NRG3: variants seen among roughly 807,000 people sequenced by gnomAD.
The protein encoded by NRG3 is neuregulin 3.
NRG3 carries 31 observed loss-of-function variants against 66.9 expected under a neutral mutation model. The observed-to-expected ratio is 0.46, with a 90% CI of 0.35 to 0.63. The LOEUF (loss-of-function observed/expected upper bound fraction) is 0.63, where lower values mean the gene tolerates loss of function less well. NRG3 is among the 20% of genes least tolerant of loss of function. The probability of loss-of-function intolerance (pLI) is 0.00; values close to 1 mark genes in which losing one functional copy is unlikely to be tolerated. For synonymous variants in NRG3, 393 were observed against 359.4 expected (o/e 1.09, Z -1.06); for missense variants, 910 against 878.9 (o/e 1.04, Z -0.45).
chr10:82,889,558 A>G (rs1231920848), intron 4 of NRG3, among the ~76,000 whole-genome samples: 2 of 152,242 alleles, frequency 1.3e-5, no homozygotes, highest in Non-Finnish European at 2.9e-5. Context: ...GATAGATCAC[A>G]TGGAAATTCC....
intron 1 of NRG3, among the ~76,000 whole-genome samples, chr10:81,891,624 C>T (rs1165452272): frequency 1.3e-5 from 2 of 152,074 alleles, no homozygotes; most frequent in Non-Finnish European, 2.9e-5. Flanking sequence ...GTATTTGTGA[C>T]GTTTCTTTTC....
At chr10:81,915,428 T>C (rs965662052) in intron 1 of NRG3, among the ~76,000 whole-genome samples, 3 of 151,754 alleles carry the variant, frequency 2.0e-5, no homozygotes, top group Non-Finnish European at 2.9e-5. Flanking sequence ...GAGGTGGGTG[T>C]TGGGCAATTA....
intron 1 of NRG3, among the ~76,000 whole-genome samples, chr10:82,160,871 G>A (rs1469197793): frequency 6.6e-6 from 1 of 151,990 alleles, no homozygotes; most frequent in Admixed American, 6.6e-5. Context: ...ATGAGAAAAT[G>A]AAGCTCACTG....
intron 1 of NRG3, among the ~76,000 whole-genome samples, chr10:81,947,626 A>T (rs1039635398): frequency 1.3e-5 from 2 of 151,644 alleles, no homozygotes; most frequent in Non-Finnish European, 2.9e-5. Flanking sequence ...TTCTATGAGT[A>T]TGTTGGGTTT....
intron 2 of NRG3, among the ~76,000 whole-genome samples, chr10:82,518,299 A>G (rs553662035): frequency 3.3e-5 from 5 of 152,320 alleles, no homozygotes; most frequent in African/African-American, 1.2e-4. Flanking sequence ...CAGAATAATT[A>G]TAGATGGCAA....
rs2056093391 is a variant in NRG3 at position 82,703,931 on chromosome 10, C to T, written c.954-34646C>T. ...CGGGGAAGCATATTTATCTGAGTAT[C>T]AGATAAGCTACCTTTTAATTTTTTT... On this transcript the variant is annotated intron_variant, in intron 2 of 8. Coordinates refer to ENST00000372141, the MANE Select transcript of NRG3 (RefSeq NM_001010848.4). Among the ~76,000 whole-genome samples, 4 of 152,104 alleles carry T rather than the reference C, an allele frequency of 2.6e-5. No individual in the cohort carries two copies. The South Asian group carries it at 8.3e-4, about 32-fold the overall frequency.
At chr10:82,213,612 T>A (rs1366631240) in intron 1 of NRG3, among the ~76,000 whole-genome samples, 1 of 152,208 alleles carries the variant, frequency 6.6e-6, no homozygotes, top group Non-Finnish European at 1.5e-5. Flanking sequence ...TTGAAAGCAC[T>A]TGCTAATCTA....
At chr10:82,538,876 T>C (rs2043343936) in intron 2 of NRG3, among the ~76,000 whole-genome samples, 1 of 152,130 alleles carries the variant, frequency 6.6e-6, no homozygotes, top group Non-Finnish European at 1.5e-5. Context: ...GGAAGAAGGA[T>C]CACCAAACAT....
chr10:82,733,163 C>A (rs1397166112), intron 2 of NRG3, among the ~76,000 whole-genome samples: 1 of 152,132 alleles, frequency 6.6e-6, no homozygotes, highest in Non-Finnish European at 1.5e-5. Flanking sequence ...AGTATGTATA[C>A]CTTCTATAGC....
chr10:82,331,600 GA>G (rs911246767), intron 1 of NRG3, among the ~76,000 whole-genome samples: 87 of 151,010 alleles, frequency 5.8e-4, no homozygotes, highest in African/African-American at 1.8e-3. Flanking sequence ...ACATCAGAAG[GA>G]AAAAAAAATT....
intron 2 of NRG3, among the ~76,000 whole-genome samples, chr10:82,668,361 A>T (rs1591092560): frequency 1.3e-5 from 2 of 152,124 alleles, no homozygotes; most frequent in Admixed American, 6.5e-5. Flanking sequence ...ATCTGATTTT[A>T]TTACCCTCTT....
intron 2 of NRG3, among the ~76,000 whole-genome samples, chr10:82,479,420 C>G (rs1042364976): frequency 3.2e-4 from 49 of 151,436 alleles, no homozygotes; most frequent in Non-Finnish European, 6.3e-4. Flanking sequence ...AAAAACTGGC[C>G]GGGCGCGGTG....
intron 1 of NRG3, among the ~76,000 whole-genome samples, chr10:82,018,774 C>T (rs4595492): frequency 0.6 from 85,026 of 142,486 alleles, 25,248 homozygotes; most frequent in South Asian, 0.83. Context: ...GTGATTTTTG[C>T]ACATTGATTT....
chr10:81,876,104 C>T lies in NRG3; in HGVS notation c.764C>T (p.Ser255Phe). 1.2e-6 allele frequency: 2 copies of T among 1,611,584 alleles called. No individual in the cohort carries two copies. Among genetic ancestry groups the T allele is most frequent in the Admixed American group, 1.7e-5 (1 of 59,696 alleles). ...SPFQDAASSSSSSSSSATTTT... is the reference protein window; with the variant it reads ...SPFQDAASSSFSSSSSATTTT... ...TTTCAGGATGCTGCCTCCTCTTCTT[C>T]CTCTTCTTCCTCCTCCGCTACCACC... is the stretch of plus-strand genomic sequence containing the variant. Residue 255 changes from serine to phenylalanine, a missense_variant, in exon 1 of 9, where the codon TCC (serine) becomes TTC (phenylalanine). Ser to Phe is a radical substitution (Grantham distance 155, BLOSUM62 -2). Transcript: ENST00000372141.
At chr10:82,291,171 C>A (rs2079721865) in intron 1 of NRG3, among the ~76,000 whole-genome samples, 1 of 151,904 alleles carries the variant, frequency 6.6e-6, no homozygotes, top group African/African-American at 2.4e-5. Flanking sequence ...CACACACACA[C>A]ACGCACGCAC....
At chr10:82,028,569 A>G (rs1006192301) in intron 1 of NRG3, among the ~76,000 whole-genome samples, 1 of 152,096 alleles carries the variant, frequency 6.6e-6, no homozygotes, top group Non-Finnish European at 1.5e-5. Flanking sequence ...CACTTTGGCC[A>G]AATTGAATGA....
chr10:81,934,803 A>G (rs1847710834), intron 1 of NRG3, among the ~76,000 whole-genome samples: 1 of 152,078 alleles, frequency 6.6e-6, no homozygotes, highest in Non-Finnish European at 1.5e-5. Flanking sequence ...ATCATGCTCT[A>G]TTTGATGAAT....
chr10:82,099,553 T>C (rs1302216992), intron 1 of NRG3, among the ~76,000 whole-genome samples: 1 of 152,214 alleles, frequency 6.6e-6, no homozygotes, highest in Non-Finnish European at 1.5e-5. Context: ...GCTATTCTCA[T>C]TCCCTTGACT....
chr10:82,786,098 G>A (rs973543702), intron 3 of NRG3, among the ~76,000 whole-genome samples: 8 of 152,188 alleles, frequency 5.3e-5, no homozygotes, highest in Non-Finnish European at 1.0e-4. Context: ...AGCCATAGGA[G>A]TGAGGCCACT....
Sources: gnomAD v4.1 joint callset for allele counts (sites outside exome capture counted in the v4.1 genomes callset) on GRCh38, gnomAD v4.1.1 for gene constraint, MANE v1.5 for transcripts, NCBI Gene and HGNC (gene_info 2026-07-23, HGNC 2026-07-21) for gene names.